MAGI2: variants seen among roughly 807,000 people sequenced by gnomAD.
MAGI2 encodes membrane associated guanylate kinase, WW and PDZ domain containing 2, also known as membrane-associated guanylate kinase, WW and PDZ domain-containing protein 2.
A neutral mutation model predicts 133.3 loss-of-function variants in MAGI2; 35 were observed. The observed-to-expected ratio is 0.26, with a 90% CI of 0.20 to 0.35. The LOEUF is 0.35. Among genes scored for constraint, MAGI2 ranks in the 10% least tolerant of loss-of-function variants. MAGI2 has a pLI of 1.00. For synonymous variants in MAGI2, 729 were observed against 710.6 expected, an observed-to-expected ratio of 1.03 and a Z score of -0.41; for missense variants, 1,636 against 1,863.4, an observed-to-expected ratio of 0.88 and a Z score of 2.25.
intron 1 of MAGI2, among the ~76,000 whole-genome samples, chr7:79,295,326 G>T (rs532657737): frequency 5.8e-4 from 88 of 152,134 alleles, no homozygotes; most frequent in African/African-American, 2.0e-3. Context: ...GACAAAGATT[G>T]CAGAATACAT....
chr7:78,737,506 A>T (rs1205192423), intron 2 of MAGI2, among the ~76,000 whole-genome samples: 1 of 152,166 alleles, frequency 6.6e-6, no homozygotes, highest in Admixed American at 6.5e-5. Flanking sequence ...ACAATTACTT[A>T]AAAAGGTATT....
chr7:79,047,126 C>T (rs1812245451), intron 1 of MAGI2, among the ~76,000 whole-genome samples: 1 of 152,010 alleles, frequency 6.6e-6, no homozygotes, highest in Non-Finnish European at 1.5e-5. Flanking sequence ...TTATTACTGA[C>T]TTTATAACAG....
intron 1 of MAGI2, among the ~76,000 whole-genome samples, chr7:79,203,693 G>A (rs368393650): frequency 6.6e-6 from 1 of 151,638 alleles, no homozygotes; most frequent in Admixed American, 6.6e-5. Flanking sequence ...CAAGGGGACA[G>A]AAAAAAAACC....
At chr7:78,795,314 A>T (rs1276851537) in intron 2 of MAGI2, among the ~76,000 whole-genome samples, 6 of 151,846 alleles carry the variant, frequency 4.0e-5, no homozygotes, top group Non-Finnish European at 8.8e-5. Context: ...AAAATTTTTT[A>T]TTTAGAAAAA....
At chr7:78,551,803 G>C (rs189127022) in intron 3 of MAGI2, among the ~76,000 whole-genome samples, 10 of 152,196 alleles carry the variant, frequency 6.6e-5, no homozygotes, top group Non-Finnish European at 1.2e-4. Context: ...GGAGGGCAGC[G>C]GTGCGAACCT....
At chr7:78,063,517 C>T (rs6953390) in intron 21 of MAGI2, among the ~76,000 whole-genome samples, 5,499 of 152,274 alleles carry the variant, frequency 0.036, 341 homozygotes, top group African/African-American at 0.13. Flanking sequence ...GTTGGGATTA[C>T]AGCTGTGAGC....
At chr7:78,732,817 T>C (rs1423678578) in intron 2 of MAGI2, among the ~76,000 whole-genome samples, 2 of 152,140 alleles carry the variant, frequency 1.3e-5, no homozygotes, top group Non-Finnish European at 2.9e-5. Context: ...AAATTTTCTA[T>C]GGAGTTTTTT....
At position 78,776,042 on chromosome 7, in the gene MAGI2, C is replaced by CA. The variant is rs1469584235; in HGVS notation, c.419-148804dup. Among the ~76,000 whole-genome samples the CA allele has an allele frequency of 2.6e-5, 4 of 152,330 alleles. No homozygotes were observed. The East Asian group carries it at 7.7e-4, about 29-fold the overall frequency. ...GTGGGCTGTGTGACCAAAGGCAAGT[C>CA]ATCCAAACTCTCTGTACCTCAGTTT... On this transcript the variant is annotated intron_variant, in intron 2 of 21. Transcript: ENST00000354212.
chr7:79,014,738 G>T lies in MAGI2; in HGVS notation c.302-7532C>A, dbSNP rs930372531. Among the ~76,000 whole-genome samples the T allele has an allele frequency of 2.0e-5, 3 of 151,990 alleles. No individual in the cohort carries two copies. In the South Asian group the frequency reaches 6.2e-4, roughly 32 times the overall value. ...TATTGAAGGTTAATAAACCTCATAG[G>T]TATAAGGCTTCTACATAAAACACTT... On this transcript the variant is annotated intron_variant, in intron 1 of 21. Coordinates refer to ENST00000354212, the MANE Select transcript of MAGI2 (RefSeq NM_012301.4).
At chr7:78,987,826 G>A (rs572264787) in intron 2 of MAGI2, among the ~76,000 whole-genome samples, 6 of 151,402 alleles carry the variant, frequency 4.0e-5, no homozygotes, top group Non-Finnish European at 7.4e-5. Context: ...AATATTTTAC[G>A]TTTTTATACA....
At chr7:78,851,612 G>A (rs1793146580) in intron 2 of MAGI2, among the ~76,000 whole-genome samples, 1 of 151,880 alleles carries the variant, frequency 6.6e-6, no homozygotes, top group African/African-American at 2.4e-5. Context: ...TTTCTACCTA[G>A]GTATAGCTAA....
chr7:79,143,597 T>C (rs959682199), intron 1 of MAGI2, among the ~76,000 whole-genome samples: 1 of 152,172 alleles, frequency 6.6e-6, no homozygotes. Context: ...ATGATTAAGA[T>C]TGAACTTCAA....
intron 20 of MAGI2, among the ~76,000 whole-genome samples, chr7:78,100,743 G>A (rs1336021614): frequency 1.3e-5 from 2 of 152,086 alleles, no homozygotes; most frequent in Admixed American, 1.3e-4. Flanking sequence ...CATACAGACT[G>A]GAAAGGAAGA....
chr7:79,059,068 G>A (rs1391695295), intron 1 of MAGI2, among the ~76,000 whole-genome samples: 1 of 151,882 alleles, frequency 6.6e-6, no homozygotes, highest in South Asian at 2.1e-4. Flanking sequence ...TGGGTATTAG[G>A]TTGGTGCATT....
intron 3 of MAGI2, among the ~76,000 whole-genome samples, chr7:78,593,274 C>G (rs961795282): frequency 1.3e-5 from 2 of 151,996 alleles, no homozygotes; most frequent in African/African-American, 4.8e-5. Flanking sequence ...CGCCTGTAGT[C>G]CCAGCTACTC....
intron 1 of MAGI2, among the ~76,000 whole-genome samples, chr7:79,203,832 G>T (rs577400494): frequency 1.3e-5 from 2 of 151,982 alleles, no homozygotes; most frequent in African/African-American, 4.8e-5. Flanking sequence ...GTTTCTTAAT[G>T]TGCCAAGGAA....
At chr7:78,306,296 C>G (rs1798240205) in intron 9 of MAGI2, among the ~76,000 whole-genome samples, 1 of 152,168 alleles carries the variant, frequency 6.6e-6, no homozygotes, top group South Asian at 2.1e-4. Flanking sequence ...GAGTGATGAA[C>G]TCAAGCAAAG....
chr7:78,888,964 G>T (rs930343509), intron 2 of MAGI2, among the ~76,000 whole-genome samples: 1 of 151,996 alleles, frequency 6.6e-6, no homozygotes, highest in African/African-American at 2.4e-5. Context: ...CCATGACAAA[G>T]AAGTTAAAAA....
At chr7:78,436,363 G>C (rs1800288015) in intron 6 of MAGI2, among the ~76,000 whole-genome samples, 1 of 152,120 alleles carries the variant, frequency 6.6e-6, no homozygotes, top group Admixed American at 6.6e-5. Flanking sequence ...ATCAGACATA[G>C]AGAGCCCTGA....
Sources: gnomAD v4.1 joint callset for allele counts (sites outside exome capture counted in the v4.1 genomes callset) on GRCh38, gnomAD v4.1.1 for gene constraint, MANE v1.5 for transcripts, NCBI Gene and HGNC (gene_info 2026-07-23, HGNC 2026-07-21) for gene names.